Variants in CD99 observed in about 807,000 individuals in gnomAD.
The protein encoded by CD99 is CD99 molecule (Xg blood group).
A neutral mutation model predicts 28.4 loss-of-function variants in CD99; 19 were observed. The ratio of observed to expected loss-of-function variants is 0.67; its 90% CI spans 0.47 to 0.98. The LOEUF (loss-of-function observed/expected upper bound fraction) is 0.98, where lower values mean the gene tolerates loss of function less well. CD99 is among the 50% of genes least tolerant of loss of function. The pLI is 0.00. For synonymous variants in CD99, 103 were observed against 92.1 expected (o/e 1.12, Z -0.67); for missense variants, 283 against 248.8 (o/e 1.14, Z -0.92).
At chrX:2,713,264 T>C (rs1175791635) in intron 1 of CD99, among the ~76,000 whole-genome samples, 2 of 150,174 alleles carry the variant, frequency 1.3e-5, no homozygotes, top group Non-Finnish European at 3.0e-5. Context: ...CACACCTACA[T>C]ATGCACACAC....
intron 1 of CD99, among the ~76,000 whole-genome samples, chrX:2,705,262 T>C (rs1012366010): frequency 1.3e-5 from 2 of 152,198 alleles, no homozygotes; most frequent in Non-Finnish European, 2.9e-5. Context: ...TCTGGCACAT[T>C]GTGTTTTCTG....
At chrX:2,715,819 C>G (rs2048679929) in intron 2 of CD99, among the ~76,000 whole-genome samples, 1 of 152,088 alleles carries the variant, frequency 6.6e-6, no homozygotes, top group Non-Finnish European at 1.5e-5. Flanking sequence ...GAACGCTGGT[C>G]TCTTCCCTGT....
chrX:2,731,856 AACTCCTTGTGGAAT>A (rs1322769111), intron 8 of CD99, among the ~76,000 whole-genome samples: 3 of 152,216 alleles, frequency 2.0e-5, no homozygotes, highest in Admixed American at 6.5e-5. Flanking sequence ...ACGGATTAGA[AACTCCTTGTGGAAT>A]CAGATGGCTC....
rs374302264 is a variant in CD99 at position 2,721,154 on chromosome X, G to A, written c.262+730G>A. ...TAGCACCAGTTTTTTTTTTTTAGCT[G>A]AATGGTTGTCGAAAGTTTATATGTT... On this transcript the variant is annotated intron_variant, in intron 5 of 9. Transcript: ENST00000381192. Among the ~76,000 whole-genome samples the A allele has an allele frequency of 2.2e-4, 33 of 151,266 alleles. No homozygotes were observed. In the South Asian group the frequency reaches 6.5e-3, roughly 30 times the overall value.
chrX:2,697,065 A>G (rs1339108395), intron 1 of CD99, among the ~76,000 whole-genome samples: 3 of 152,148 alleles, frequency 2.0e-5, no homozygotes, highest in Non-Finnish European at 1.5e-5. Context: ...AGAAAATTCA[A>G]CAGAGGAGAG....
intron 1 of CD99, among the ~76,000 whole-genome samples, chrX:2,708,934 A>G (rs1017919): frequency 0.11 from 15,962 of 151,600 alleles, 1,517 homozygotes; most frequent in African/African-American, 0.24. Context: ...CCATGGGGGC[A>G]TTGGGGTCAG....
intron 8 of CD99, among the ~76,000 whole-genome samples, chrX:2,730,927 C>T (rs1179140646): frequency 1.8e-5 from 1 of 56,846 alleles, no homozygotes; most frequent in Non-Finnish European, 3.0e-5. Flanking sequence ...GAGACTCTGT[C>T]TCAAAAAAAA....
At chrX:2,733,990 C>G (rs182930376) in intron 8 of CD99, among the ~76,000 whole-genome samples, 46 of 152,314 alleles carry the variant, frequency 3.0e-4, no homozygotes, top group Admixed American at 2.5e-3. Context: ...ATCTCCTGAT[C>G]TTCACACTGT....
At chrX:2,716,925 C>T (rs1221111515) in intron 2 of CD99, among the ~76,000 whole-genome samples, 1 of 152,156 alleles carries the variant, frequency 6.6e-6, no homozygotes, top group Non-Finnish European at 1.5e-5. Flanking sequence ...AGCCTTTCAG[C>T]CATCAATCCG....
chrX:2,718,744 G>T (rs1017951467), intron 3 of CD99, among the ~76,000 whole-genome samples: 2 of 152,166 alleles, frequency 1.3e-5, no homozygotes, highest in African/African-American at 4.8e-5. Context: ...AACCCCACTG[G>T]CGGATAAACA....
intron 8 of CD99, among the ~76,000 whole-genome samples, chrX:2,731,778 C>G (rs2049621253): frequency 6.6e-6 from 1 of 151,920 alleles, no homozygotes; most frequent in South Asian, 2.1e-4. Flanking sequence ...CAAGGAGATG[C>G]CTTTATCAAA....
chrX:2,734,113 A>G (rs1323675331), intron 8 of CD99, among the ~76,000 whole-genome samples: 1 of 152,116 alleles, frequency 6.6e-6, no homozygotes, highest in Non-Finnish European at 1.5e-5. Context: ...CACAAATTGT[A>G]CCTGGATTTT....
In CD99 at chrX:2,720,388, A is replaced by C. The variant is rs752064839; in HGVS notation, c.226A>C (p.Met76Leu). ...DPRPPNPPKP[M>L]PNPNPNHPSS... Reference sequence around the variant, plus strand: ...ACGACCACCGAACCCACCCAAACCGATGCCAAATCCAAACCCCAACCACCC... The same window carrying C: ...ACGACCACCGAACCCACCCAAACCGCTGCCAAATCCAAACCCCAACCACCC... Residue 76 changes from methionine to leucine, a missense_variant, in exon 5 of 10, where the codon ATG becomes CTG. Physicochemically the swap from Met to Leu is conservative, Grantham distance 15 (BLOSUM62 2). Coordinates refer to ENST00000381192, the MANE Select transcript of CD99 (RefSeq NM_002414.5). 1 of 1,613,812 alleles carries C rather than the reference A, an allele frequency of 6.2e-7. No homozygotes were observed. Among genetic ancestry groups the C allele is most frequent in the East Asian group, 2.2e-5 (1 of 44,856 alleles).
rs145020766 is a variant in CD99, at chrX:2,699,377, C to A, written c.67+7950C>A. Reference sequence around the variant, plus strand: ...TAGAGACGGGATTTCACTATGTTGGCCAGGATGGTCTCGAACTCCTGACGT... The same window carrying A: ...TAGAGACGGGATTTCACTATGTTGGACAGGATGGTCTCGAACTCCTGACGT... On this transcript the variant is annotated intron_variant, in intron 1 of 9. Coordinates refer to ENST00000381192, the MANE Select transcript of CD99 (RefSeq NM_002414.5). Among the ~76,000 whole-genome samples the A allele has an allele frequency of 6.4e-3, 965 of 151,828 alleles. 11 individuals carry two copies. The highest frequency in any genetic ancestry group is 0.022 in the African/African-American group (905 of 41,396).
chrX:2,718,698 G>A (rs1184451021), intron 3 of CD99, among the ~76,000 whole-genome samples: 2 of 152,138 alleles, frequency 1.3e-5, no homozygotes, highest in Non-Finnish European at 2.9e-5. Flanking sequence ...ACAAAAGTCA[G>A]AAACGAGGTC....
intron 1 of CD99, among the ~76,000 whole-genome samples, chrX:2,703,525 G>A (rs1267871542): frequency 6.6e-6 from 1 of 151,748 alleles, no homozygotes. Context: ...TTCACTATTC[G>A]CTAATTCAGT....
At chrX:2,732,575 T>C (rs868679354) in intron 8 of CD99, among the ~76,000 whole-genome samples, 22 of 142,768 alleles carry the variant, frequency 1.5e-4, no homozygotes, top group Admixed American at 1.3e-3. Flanking sequence ...CTCTCTCTCT[T>C]TTCATTCTTT....
In CD99 at chrX:2,720,365, G is replaced by T; in HGVS notation, c.203G>T (p.Arg68Leu). 6.2e-7 allele frequency: 1 copy of T among 1,613,460 alleles called. No individual in the cohort carries two copies. Among genetic ancestry groups the T allele is most frequent in the Non-Finnish European group, 8.5e-7 (1 of 1,179,776 alleles). Reference sequence around the variant, plus strand: ...CATCTTTCACAAACAGACGACCCACGACCACCGAACCCACCCAAACCGATG... The same window carrying T: ...CATCTTTCACAAACAGACGACCCACTACCACCGAACCCACCCAAACCGATG... ...AVVDGENDDP[R>L]PPNPPKPMPN... Residue 68 changes from arginine (R) to leucine (L), a missense_variant, in exon 5 of 10, where the codon CGA becomes CTA. Physicochemically the swap from Arg to Leu is moderately radical, Grantham distance 102 (BLOSUM62 -2). Transcript: ENST00000381192.
chrX:2,730,282 C>T (rs1171127137), intron 8 of CD99, among the ~76,000 whole-genome samples: 1 of 151,786 alleles, frequency 6.6e-6, no homozygotes, highest in African/African-American at 2.4e-5. Flanking sequence ...AAGCGACTCT[C>T]CTGCCTCAGC....
Sources: allele counts gnomAD v4.1 joint callset (sites outside exome capture counted in the v4.1 genomes callset), GRCh38; gene constraint gnomAD v4.1.1; transcripts MANE v1.5; gene names NCBI Gene and HGNC (gene_info 2026-07-23, HGNC 2026-07-21).